COG5: variants seen among roughly 807,000 people sequenced by gnomAD.
The protein encoded by COG5 is conserved oligomeric Golgi complex subunit 5.
In COG5, 86 loss-of-function variants were observed where a neutral mutation model predicts 110.4. That is an observed-to-expected ratio of 0.78 (90% CI 0.65 to 0.93). The LOEUF (loss-of-function observed/expected upper bound fraction) is 0.93, where lower values mean the gene tolerates loss of function less well. Ranked by LOEUF, COG5 falls within the 40% of genes least tolerant of loss-of-function variation. The pLI, the probability that COG5 is intolerant of heterozygous loss-of-function variation, is 0.00. For synonymous variants in COG5, 360 were observed against 334.6 expected, an observed-to-expected ratio of 1.08 and a Z score of -0.83; for missense variants, 1,077 against 987.0, an observed-to-expected ratio of 1.09 and a Z score of -1.22.
At chr7:107,349,204 C>T (rs1811908027) in intron 10 of COG5, among the ~76,000 whole-genome samples, 1 of 152,194 alleles carries the variant, frequency 6.6e-6, no homozygotes, top group Non-Finnish European at 1.5e-5. Context: ...GCCCTAATAG[C>T]TTTTGTAGGT....
At chr7:107,381,876 T>C (rs1055436844) in intron 7 of COG5, among the ~76,000 whole-genome samples, 8 of 152,220 alleles carry the variant, frequency 5.3e-5, no homozygotes, top group African/African-American at 1.4e-4. Context: ...GGGTAAGGTA[T>C]ACCCCCCGTG....
chr7:107,539,575 C>T (rs1392922713), intron 5 of COG5, among the ~76,000 whole-genome samples: 1 of 151,968 alleles, frequency 6.6e-6, no homozygotes. Flanking sequence ...TGCTAATGGG[C>T]ATAGAGTTTC....
intron 18 of COG5, among the ~76,000 whole-genome samples, chr7:107,235,511 T>C (rs1453552335): frequency 6.6e-6 from 1 of 152,186 alleles, no homozygotes; most frequent in Non-Finnish European, 1.5e-5. Context: ...GAGACCAGCT[T>C]GGCCAATACG....
chr7:107,538,459 T>C (rs1281767664), intron 5 of COG5, among the ~76,000 whole-genome samples: 1 of 152,158 alleles, frequency 6.6e-6, no homozygotes, highest in African/African-American at 2.4e-5. Context: ...AGAGCTCTTC[T>C]CTTTCTTTCG....
chr7:107,267,910 T>A (rs774817931), intron 14 of COG5, among the ~76,000 whole-genome samples: 6 of 152,212 alleles, frequency 3.9e-5, no homozygotes, highest in South Asian at 2.1e-4. Flanking sequence ...AAAATAATTT[T>A]AAAAATGTAA....
intron 12 of COG5, among the ~76,000 whole-genome samples, chr7:107,286,593 C>T (rs1805651578): frequency 6.6e-6 from 1 of 152,198 alleles, no homozygotes; most frequent in African/African-American, 2.4e-5. Flanking sequence ...ACCTGAAGGT[C>T]AAAGTAATAA....
intron 6 of COG5, among the ~76,000 whole-genome samples, chr7:107,506,925 A>G (rs1457965477): frequency 6.6e-6 from 1 of 152,194 alleles, no homozygotes; most frequent in Non-Finnish European, 1.5e-5. Flanking sequence ...TAGCTGGCGG[A>G]CTTCCATGAG....
intron 12 of COG5, among the ~76,000 whole-genome samples, chr7:107,292,204 CTT>C (rs1026996208): frequency 6.6e-6 from 1 of 152,042 alleles, no homozygotes; most frequent in Non-Finnish European, 1.5e-5. Flanking sequence ...GCCCAGTTAA[CTT>C]TTTTATTTTT....
At chr7:107,390,962 C>G (rs1023225784) in intron 7 of COG5, among the ~76,000 whole-genome samples, 1 of 151,812 alleles carries the variant, frequency 6.6e-6, no homozygotes, top group East Asian at 1.9e-4. Flanking sequence ...TGAAGGCACC[C>G]TAATCCTCTT....
chr7:107,498,670 T>C (rs189170821), intron 6 of COG5, among the ~76,000 whole-genome samples: 168 of 152,008 alleles, frequency 1.1e-3, no homozygotes, highest in Non-Finnish European at 1.6e-3. Flanking sequence ...TGCGGAGAAA[T>C]TGGAATCGTT....
At chr7:107,472,631 C>G (rs972828309) in intron 6 of COG5, 6 of 151,976 alleles carry the variant, frequency 3.9e-5, no homozygotes, top group African/African-American at 1.4e-4. Flanking sequence ...TTAGCTAAGA[C>G]CTTAACTTAC....
At chr7:107,472,217 T>A (rs775835415) in intron 6 of COG5, 1 of 152,000 alleles carries the variant, frequency 6.6e-6, no homozygotes, top group African/African-American at 2.4e-5. Context: ...CTAAATCTCA[T>A]AATGCATGCA....
At chr7:107,457,827 A>G (rs1235414725) in intron 6 of COG5, among the ~76,000 whole-genome samples, 1 of 152,230 alleles carries the variant, frequency 6.6e-6, no homozygotes, top group Non-Finnish European at 1.5e-5. Flanking sequence ...ATTTGATGAA[A>G]AAACAAAAAC....
At position 107,295,947 on chromosome 7, in the gene COG5, C is replaced by G. The variant is rs1027433296; in HGVS notation, c.1313+2195G>C. On this transcript the variant is annotated intron_variant, in intron 12 of 21. Transcript: ENST00000297135. ...CTGGGATTACAGGCATGCACCACCA[C>G]GCCTACATAATTTTTTGTTTTTTTC... Among the ~76,000 whole-genome samples the G allele has an allele frequency of 1.3e-4, 20 of 152,112 alleles. 1 individual carries two copies. Among genetic ancestry groups the G allele is most frequent in the Admixed American group, 5.9e-4 (9 of 15,276 alleles).
chr7:107,305,921 A>T (rs963464720), intron 11 of COG5, among the ~76,000 whole-genome samples: 3 of 152,130 alleles, frequency 2.0e-5, no homozygotes, highest in Admixed American at 2.0e-4. Flanking sequence ...ACAAGTTAGA[A>T]GCAAGTTCTG....
intron 6 of COG5, among the ~76,000 whole-genome samples, chr7:107,525,205 C>T (rs542318003): frequency 8.6e-5 from 13 of 151,594 alleles, no homozygotes; most frequent in Admixed American, 5.3e-4. Flanking sequence ...GGATTACAGG[C>T]GTGAGCCACC....
intron 6 of COG5, among the ~76,000 whole-genome samples, chr7:107,437,544 T>C (rs1161402255): frequency 6.6e-6 from 1 of 152,152 alleles, no homozygotes; most frequent in Non-Finnish European, 1.5e-5. Context: ...TTCAGATACT[T>C]AAAGTCCTTC....
chr7:107,437,377 C>G (rs1344627645), intron 6 of COG5, among the ~76,000 whole-genome samples: 1 of 152,122 alleles, frequency 6.6e-6, no homozygotes, highest in Non-Finnish European at 1.5e-5. Context: ...AACAACAAGC[C>G]AAAACCTGAG....
chr7:107,531,641 G>A (rs148362982), intron 5 of COG5, among the ~76,000 whole-genome samples: 2,206 of 149,286 alleles, frequency 0.015, 56 homozygotes, highest in African/African-American at 0.052. Flanking sequence ...CGGTGAGGGC[G>A]GGGGGGAGGT....
Sources: allele counts gnomAD v4.1 joint callset (sites outside exome capture counted in the v4.1 genomes callset), GRCh38; gene constraint gnomAD v4.1.1; transcripts MANE v1.5; gene names NCBI Gene and HGNC (gene_info 2026-07-23, HGNC 2026-07-21).